The following TIMM21 variants were observed in gnomAD, a reference collection of about 807,000 sequenced individuals.
The protein encoded by TIMM21 is translocase of inner mitochondrial membrane 21.
Under a neutral mutation model 27.7 loss-of-function variants are expected in TIMM21, and 30 were observed. The ratio of observed to expected loss-of-function variants is 1.08; its 90% CI spans 0.81 to 1.47. TIMM21 has a LOEUF of 1.47. Among genes scored for constraint, TIMM21 ranks in the 40% most tolerant of loss-of-function variants. TIMM21 has a pLI of 0.00. For synonymous variants in TIMM21, 121 were observed against 114.4 expected (o/e 1.06, Z -0.37); for missense variants, 292 against 302.9 (o/e 0.96, Z 0.27).
Position 74,158,156 on chromosome 18 carries a change from TC to T in TIMM21, c.537-14del, listed in dbSNP as rs755513397. The T allele has an allele frequency of 2.5e-6, 4 of 1,614,012 alleles. No homozygotes were observed. In the Admixed American group the frequency reaches 6.7e-5, roughly 27 times the overall value. The stretch of plus-strand genomic sequence containing the variant: ...AATGAAAGGAACTTAGACTGATCTT[TC>T]GTTTTCTCGACAGGTTCACTGAATA... On this transcript the variant is annotated splice_polypyrimidine_tract_variant and intron_variant, in intron 4 of 5. Coordinates refer to ENST00000169551, the MANE Select transcript of TIMM21 (RefSeq NM_014177.3).
chr18:74,148,676 A>T lies in TIMM21; in HGVS notation c.-133A>T. 1 of 845,458 alleles carries T rather than the reference A, an allele frequency of 1.2e-6. No homozygotes were observed. Among genetic ancestry groups the T allele is most frequent in the Non-Finnish European group, 1.8e-6 (1 of 543,776 alleles). The allele number at this position is 845,458 out of a possible 1,614,324, so 52.4% of individuals were successfully genotyped here. A position where few individuals can be genotyped will look rare whatever the true frequency, so the allele number is the denominator to read the frequency against. ...GTTTTCATTTACGCTGCGGAAACTG[A>T]CGTTTTTGCCTAACACCCCATGTAA... On this transcript the variant is annotated 5_prime_UTR_variant, in exon 1 of 6. Coordinates refer to ENST00000169551, the MANE Select transcript of TIMM21 (RefSeq NM_014177.3).
At chr18:74,157,865 G>T (rs1979993197) in intron 3 of TIMM21, 149 bp from the exon 4 acceptor site, 26 of 807,232 alleles carry the variant, frequency 3.2e-5, no homozygotes, top group Non-Finnish European at 4.6e-5. Flanking sequence ...AGATTGCTGG[G>T]ATTATAGGCG....
In TIMM21 at chr18:74,148,859, G is replaced by T; in HGVS notation, c.51G>T (p.Arg17Ser). The change falls in exon 1 of 6, where the codon AGG (arginine) becomes AGT (serine). Residue 17 changes from arginine to serine, a missense_variant. By Grantham distance (110) the Arg-to-Ser change is moderately radical. Transcript: ENST00000169551. ...TACAGTATACGGAGAAGCTGCACAG[G>T]TCCTCGGCAAAGCGATTGCTTTTGC... is the stretch of plus-strand genomic sequence containing the variant. ...RAVQYTEKLH[R>S]SSAKRLLLPY... 2.5e-6 allele frequency: 4 copies of T among 1,614,106 alleles called. No individual in the cohort carries two copies. The highest frequency in any genetic ancestry group is 3.4e-6 in the Non-Finnish European group (4 of 1,179,974).
At chr18:74,153,069 T>C (rs1274928869) in intron 1 of TIMM21, among the ~76,000 whole-genome samples, 1 of 152,192 alleles carries the variant, frequency 6.6e-6, no homozygotes, top group Non-Finnish European at 1.5e-5. Flanking sequence ...TCCCTGCAGC[T>C]GGGAGCCCCA....
chr18:74,155,584 T>G (rs771133491), intron 3 of TIMM21, 181 bp downstream of exon 3: 3 of 578,604 alleles, frequency 5.2e-6, no homozygotes, highest in Non-Finnish European at 9.0e-6. Context: ...CAAAAGTCAG[T>G]GTACAGATGT....
rs1371709977 is a variant in TIMM21, at chr18:74,158,482, A to G, written c.*2A>G. 6.4e-7 allele frequency: 1 copy of G among 1,559,126 alleles called. No homozygotes were observed. Among genetic ancestry groups the G allele is most frequent in the Non-Finnish European group, 8.8e-7 (1 of 1,141,542 alleles). On this transcript the variant is annotated 3_prime_UTR_variant, in exon 6 of 6. Coordinates refer to ENST00000169551, the MANE Select transcript of TIMM21 (RefSeq NM_014177.3). ...GATAATCGATCCCAAGATGATTAAA[A>G]TAGGGTTTCTGATGGATGTTGAATG... is the stretch of plus-strand genomic sequence containing the variant.
At chr18:74,151,178 T>C (rs578046799) in intron 1 of TIMM21, among the ~76,000 whole-genome samples, 1 of 152,294 alleles carries the variant, frequency 6.6e-6, no homozygotes, top group East Asian at 1.9e-4. Context: ...TGTAGGTCCT[T>C]TTGGTGAAGG....
At position 74,152,033 on chromosome 18, in the gene TIMM21, G is replaced by A. The variant is rs1242933721; in HGVS notation, c.301+2924G>A. On this transcript the variant is annotated intron_variant, in intron 1 of 5. Transcript: ENST00000169551. This position sits in a 1 kb window ranked among gnomAD's most constrained non-coding sequence, Gnocchi z 4.1. ...TGTTGTAACTTGGCCAGGAGGGGAG[G>A]TGGAGAGCCCTCCTGAGAGCAGCAC... 2.0e-5 allele frequency among the ~76,000 whole-genome samples: 3 copies of A among 151,812 alleles called. No homozygotes were observed. The highest frequency in any genetic ancestry group is 6.6e-5 in the Admixed American group (1 of 15,260).
At chr18:74,154,472 A>G (rs1299723016) in intron 1 of TIMM21, among the ~76,000 whole-genome samples, 1 of 152,018 alleles carries the variant, frequency 6.6e-6, no homozygotes, top group Non-Finnish European at 1.5e-5. Context: ...CGTGTTAGCC[A>G]GGATGGTCTC....
intron 1 of TIMM21, among the ~76,000 whole-genome samples, chr18:74,154,366 A>G (rs1385955480): frequency 2.0e-5 from 3 of 151,294 alleles, no homozygotes; most frequent in African/African-American, 7.3e-5. Flanking sequence ...GGTTCACGCC[A>G]TTCTCCTGCC....
rs1979915318 is a variant in TIMM21, at chr18:74,155,147, A to G, written c.304A>G (p.Lys102Glu). ...CCATTGGTGTTTTCTCTTCACAGTG[A>G]AAGAAGCCGGAAGAGATTTTACCTA... The part of the protein sequence containing the change: ...GTAVPTSQKV[K>E]EAGRDFTYLI... Residue 102 changes from lysine to glutamate, a missense_variant and splice_region_variant, in exon 2 of 6, where the codon AAA (lysine) becomes GAA (glutamate). Physicochemically the swap from Lys to Glu is moderately conservative, Grantham distance 56 (BLOSUM62 1). Coordinates refer to ENST00000169551, the MANE Select transcript of TIMM21 (RefSeq NM_014177.3). 4.3e-6 allele frequency: 7 copies of G among 1,614,082 alleles called. No homozygotes were observed. The highest frequency in any genetic ancestry group is 5.9e-6 in the Non-Finnish European group (7 of 1,180,014).
rs892759485 is a variant in TIMM21, at chr18:74,160,008, G to C, written c.*1528G>C. ...TTATGCACCTGCCATTTTACAATAT[G>C]CTCATGCCCCTTTAAGATCTGAGCT... On this transcript the variant is annotated 3_prime_UTR_variant, in exon 6 of 6. Coordinates refer to ENST00000169551, the MANE Select transcript of TIMM21 (RefSeq NM_014177.3). The C allele has an allele frequency of 3.9e-5, 6 of 152,208 alleles. No individual in the cohort carries two copies. Among genetic ancestry groups the C allele is most frequent in the African/African-American group, 1.4e-4 (6 of 41,408 alleles). 9.4% of individuals were successfully genotyped at this position (152,208 alleles called of 1,614,324 possible).
chr18:74,150,003 A>C (rs1327866481), intron 1 of TIMM21, among the ~76,000 whole-genome samples: 1 of 152,200 alleles, frequency 6.6e-6, no homozygotes, highest in Non-Finnish European at 1.5e-5. Context: ...CAGAATTCAA[A>C]CAGGCCTATG....
At position 74,149,062 on chromosome 18, in the gene TIMM21, T is replaced by C; in HGVS notation, c.254T>C (p.Val85Ala). ...AKEDGSKQVSVHRSQRGGTAV... is the reference protein window; with the variant it reads ...AKEDGSKQVSAHRSQRGGTAV... The stretch of plus-strand genomic sequence containing the variant: ...GAGGATGGCAGCAAACAAGTGTCTG[T>C]GCACAGGAGTCAGAGAGGGGGAACC... The change falls in exon 1 of 6, where the codon GTG (valine) becomes GCG (alanine). Residue 85 changes from valine (V) to alanine (A), a missense_variant. Val to Ala is a moderately conservative substitution (Grantham distance 64). Transcript: ENST00000169551. 6.2e-7 allele frequency: 1 copy of C among 1,613,608 alleles called. No individual in the cohort carries two copies. The highest frequency in any genetic ancestry group is 8.5e-7 in the Non-Finnish European group (1 of 1,179,768).
In TIMM21 at chr18:74,148,993, A is replaced by C; in HGVS notation, c.185A>C (p.Gln62Pro). 6.2e-7 allele frequency: 1 copy of C among 1,614,232 alleles called. No homozygotes were observed. Among genetic ancestry groups the C allele is most frequent in the Non-Finnish European group, 8.5e-7 (1 of 1,180,044 alleles). Residue 62 changes from glutamine to proline, a missense_variant, in exon 1 of 6, where the codon CAG becomes CCG. Coordinates refer to ENST00000169551, the MANE Select transcript of TIMM21 (RefSeq NM_014177.3). The part of the protein sequence containing the change: ...LRPRCILGVT[Q>P]KTIWTQGPSP... ...CCTAGATGTATTCTTGGAGTCACCC[A>C]GAAAACCATCTGGACGCAGGGACCG...
intron 1 of TIMM21, among the ~76,000 whole-genome samples, chr18:74,154,595 T>A (rs1202653859): frequency 6.6e-6 from 1 of 152,270 alleles, no homozygotes; most frequent in Non-Finnish European, 1.5e-5. Context: ...TCTCTAGCTC[T>A]CAGAGTGTCT....
At chr18:74,151,937 T>TCTCTC (rs1555682293) in intron 1 of TIMM21, among the ~76,000 whole-genome samples, 2 of 94,276 alleles carry the variant, frequency 2.1e-5, no homozygotes, top group African/African-American at 1.2e-4. Flanking sequence ...GTGTCTATGT[T>TCTCTC]CCCCCCCCCC....
intron 3 of TIMM21, chr18:74,157,758 GC>G: frequency 2.3e-6 from 1 of 437,520 alleles, no homozygotes; most frequent in Middle Eastern, 6.5e-4. Context: ...ACCATGCCCA[GC>G]TGATTTTTAT....
Position 74,159,260 on chromosome 18 carries a change from CGT to C in TIMM21, c.*786_*787del, listed in dbSNP as rs1202890832. ...GGAGTGAATGAGAGACATTCAAATA[CGT>C]GTGTGAGGCCCCTTAAAGAAAAAAA... On this transcript the variant is annotated 3_prime_UTR_variant, in exon 6 of 6. Coordinates refer to ENST00000169551, the MANE Select transcript of TIMM21 (RefSeq NM_014177.3). The C allele has an allele frequency of 7.0e-6, 1 of 141,932 alleles. No homozygotes were observed. The highest frequency in any genetic ancestry group is 7.4e-5 in the Admixed American group (1 of 13,510). 8.8% of individuals were successfully genotyped at this position (141,932 alleles called of 1,614,324 possible). A position where few individuals can be genotyped will look rare whatever the true frequency, so the allele number is the denominator to read the frequency against.
Sources: allele counts gnomAD v4.1 joint callset (sites outside exome capture counted in the v4.1 genomes callset), GRCh38; gene constraint gnomAD v4.1.1; non-coding constraint Gnocchi (gnomAD v3.1); transcripts MANE v1.5; gene names NCBI Gene and HGNC (gene_info 2026-07-23, HGNC 2026-07-21).